The following TTC21B variants were observed in gnomAD, a reference collection of about 807,000 sequenced individuals.
The protein encoded by TTC21B is tetratricopeptide repeat domain 21B, also known as tetratricopeptide repeat protein 21B.
Under a neutral mutation model 175.1 loss-of-function variants are expected in TTC21B, and 127 were observed. That is an observed-to-expected ratio of 0.73 (90% CI 0.63 to 0.84). TTC21B has a LOEUF of 0.84. Ranked by LOEUF, TTC21B falls within the 40% of genes least tolerant of loss-of-function variation. The probability of loss-of-function intolerance (pLI) is 0.00; values close to 1 mark genes in which losing one functional copy is unlikely to be tolerated. For missense variants in TTC21B, 1,561 were observed against 1,558.3 expected (o/e 1.00, Z -0.03); for synonymous variants, 524 against 524.5 (o/e 1.00, Z 0.01).
chr2:165,943,988 G>A (rs778510237), intron 4 of TTC21B, among the ~76,000 whole-genome samples: 1 of 152,072 alleles, frequency 6.6e-6, no homozygotes, highest in African/African-American at 2.4e-5. Context: ...ACTGTGAAAT[G>A]TGCTTTTTCT....
At chr2:165,945,047 T>C (rs1687500590) in intron 4 of TTC21B, among the ~76,000 whole-genome samples, 2 of 152,234 alleles carry the variant, frequency 1.3e-5, no homozygotes, top group Non-Finnish European at 2.9e-5. Context: ...TAATCACATA[T>C]CTCTCATATC....
At chr2:165,880,444 A>C (rs565328167) in intron 27 of TTC21B, among the ~76,000 whole-genome samples, 111 of 152,326 alleles carry the variant, frequency 7.3e-4, no homozygotes, top group Middle Eastern at 3.4e-3. Flanking sequence ...AAGGGGGCAG[A>C]ATTAGACTAG....
intron 27 of TTC21B, among the ~76,000 whole-genome samples, chr2:165,876,596 T>C (rs1356048104): frequency 6.6e-6 from 1 of 152,220 alleles, no homozygotes; most frequent in Non-Finnish European, 1.5e-5. Flanking sequence ...ATTTATACAG[T>C]ACAGATTTAT....
At chr2:165,913,881 T>C (rs1686048864) in intron 15 of TTC21B, among the ~76,000 whole-genome samples, 1 of 152,170 alleles carries the variant, frequency 6.6e-6, no homozygotes, top group African/African-American at 2.4e-5. Context: ...TGCAGGTAAC[T>C]GAGTTCAGAT....
At chr2:165,934,500 CAAAAAAAAAA>C (rs369089707) in intron 6 of TTC21B, among the ~76,000 whole-genome samples, 2 of 71,894 alleles carry the variant, frequency 2.8e-5, no homozygotes, top group South Asian at 5.2e-4. Context: ...GACTCTGTCT[CAAAAAAAAAA>C]AAAAAAAAAA....
At chr2:165,935,863 C>A (rs1449339962) in intron 6 of TTC21B, among the ~76,000 whole-genome samples, 2 of 152,094 alleles carry the variant, frequency 1.3e-5, no homozygotes, top group African/African-American at 4.8e-5. Flanking sequence ...GATGCAAAGA[C>A]AATACAAGAT....
In TTC21B at chr2:165,930,730, GGGGTGTGT is replaced by G. The variant is rs1247349201; in HGVS notation, c.895-374_895-367del. Among the ~76,000 whole-genome samples the G allele has an allele frequency of 9.4e-4, 74 of 78,342 alleles. 2 individuals are homozygous for G. The highest frequency in any genetic ancestry group is 1.7e-3 in the African/African-American group (43 of 25,108). The allele number at this position is 78,342 out of a possible 152,430, so 51.4% of individuals were successfully genotyped here. ...ATTATTTTATGGTTACGTGGGTATG[GGGGTGTGT>G]GTGTGTGTGTGTGTGTGTGTGTGTG... On this transcript the variant is annotated intron_variant, in intron 8 of 28. Coordinates refer to ENST00000243344, the MANE Select transcript of TTC21B (RefSeq NM_024753.5).
chr2:165,945,956 A>G (rs1049635664), intron 3 of TTC21B, among the ~76,000 whole-genome samples: 7 of 152,230 alleles, frequency 4.6e-5, no homozygotes, highest in African/African-American at 1.4e-4. Flanking sequence ...ATAAAAATTA[A>G]TGAGATATTT....
At chr2:165,881,573 C>A (rs1684836501) in intron 26 of TTC21B, among the ~76,000 whole-genome samples, 1 of 152,072 alleles carries the variant, frequency 6.6e-6, no homozygotes, top group South Asian at 2.1e-4. Context: ...GGTTAATTGA[C>A]TGCATCCTTG....
intron 18 of TTC21B, 120 bp downstream of exon 18, chr2:165,911,207 A>T: frequency 2.4e-6 from 3 of 1,231,972 alleles, no homozygotes; most frequent in Non-Finnish European, 3.5e-6. Context: ...AAAAATACGC[A>T]TGTATTTATA....
At chr2:165,914,649 A>T (rs993094178) in intron 15 of TTC21B, among the ~76,000 whole-genome samples, 1 of 35,372 alleles carries the variant, frequency 2.8e-5, no homozygotes, top group Non-Finnish European at 5.5e-5. Flanking sequence ...GAGAAGAGGA[A>T]GAGCAATCTG....
chr2:165,902,495 A>G (rs984765303), intron 19 of TTC21B, among the ~76,000 whole-genome samples: 3 of 152,222 alleles, frequency 2.0e-5, no homozygotes, highest in Admixed American at 6.5e-5. Context: ...ATGTTAGCTA[A>G]CAATTGCTTT....
In TTC21B at chr2:165,953,760, A is replaced by G. The variant is rs1325508124; in HGVS notation, c.-55T>C. On this transcript the variant is annotated 5_prime_UTR_variant, in exon 1 of 29. Coordinates refer to ENST00000243344, the MANE Select transcript of TTC21B (RefSeq NM_024753.5). The stretch of plus-strand genomic sequence containing the variant: ...TGGGGATTGTCTCGCCGCAGCCTAA[A>G]GGAAGACGCAGAATTCAGCTCCCCT... 4 of 1,546,698 alleles carry G rather than the reference A, an allele frequency of 2.6e-6. No homozygotes were observed. Among genetic ancestry groups the G allele is most frequent in the Admixed American group, 3.9e-5 (2 of 50,886 alleles).
At chr2:165,921,301 C>T (rs888252396) in intron 12 of TTC21B, among the ~76,000 whole-genome samples, 3 of 152,100 alleles carry the variant, frequency 2.0e-5, no homozygotes, top group African/African-American at 7.2e-5. Flanking sequence ...CTAGGGACAC[C>T]AAACCTTGGT....
rs1685789885 is a variant in TTC21B at position 165,907,759 on chromosome 2, C to A, written c.2487G>T (p.Glu829Asp). ...EPVNELSALM[E>D]DGRCQVLLAK... ...CTAGAAGAACTTGACAACGTCCATCCTCCATGAGAGCTGACAGTTCATTTA... is the reference window on the plus strand; with the variant it reads ...CTAGAAGAACTTGACAACGTCCATCATCCATGAGAGCTGACAGTTCATTTA... The change falls in exon 19 of 29, where the codon GAG becomes GAT. Residue 829 changes from glutamate to aspartate, a missense_variant. Physicochemically the swap from Glu to Asp is conservative, Grantham distance 45. Coordinates refer to ENST00000243344, the MANE Select transcript of TTC21B (RefSeq NM_024753.5). 5 of 1,612,692 alleles carry A rather than the reference C, an allele frequency of 3.1e-6. No homozygotes were observed. The highest frequency in any genetic ancestry group is 4.2e-6 in the Non-Finnish European group (5 of 1,179,260).
At chr2:165,883,446 G>A (rs1198372361) in intron 26 of TTC21B, among the ~76,000 whole-genome samples, 1 of 152,150 alleles carries the variant, frequency 6.6e-6, no homozygotes, top group Non-Finnish European at 1.5e-5. Context: ...TTCTTAATGG[G>A]AGGGACAGAC....
At chr2:165,891,108 A>T in intron 22 of TTC21B, 120 bp from the exon 23 acceptor site, 1 of 886,628 alleles carries the variant, frequency 1.1e-6, no homozygotes, top group African/African-American at 1.7e-5. Flanking sequence ...AATATAAATA[A>T]AAAATGCCTC....
chr2:165,888,642 C>CA (rs1208300839), intron 24 of TTC21B, among the ~76,000 whole-genome samples, 168 bp from the exon 25 acceptor site: 6 of 152,100 alleles, frequency 3.9e-5, no homozygotes, highest in Admixed American at 2.6e-4. Context: ...TCTTCTAATA[C>CA]AAAGTGAAGC....
In TTC21B at chr2:165,889,554, A is replaced by G. The variant is rs113963274; in HGVS notation, c.3263+925T>C. The stretch of plus-strand genomic sequence containing the variant: ...GCCTGAAGAAGATTTCCACTTGAAT[A>G]GCTTATAGTTCCATAACAGTAATGT... On this transcript the variant is annotated intron_variant, in intron 24 of 28. Transcript: ENST00000243344. Among the ~76,000 whole-genome samples, 1,473 of 152,198 alleles carry G rather than the reference A, an allele frequency of 9.7e-3. 19 individuals are homozygous for G. Among genetic ancestry groups the G allele is most frequent in the African/African-American group, 0.033 (1,357 of 41,524 alleles).
Sources: allele counts gnomAD v4.1 joint callset (sites outside exome capture counted in the v4.1 genomes callset), GRCh38; gene constraint gnomAD v4.1.1; transcripts MANE v1.5; gene names NCBI Gene and HGNC (gene_info 2026-07-23, HGNC 2026-07-21).